ZZEF1: variants seen among roughly 807,000 people sequenced by gnomAD.
ZZEF1 encodes zinc finger ZZ-type and EF-hand domain containing 1, also known as zinc finger ZZ-type and EF-hand domain-containing protein 1.
A neutral mutation model predicts 342.8 loss-of-function variants in ZZEF1; 157 were observed. The observed-to-expected ratio is 0.46, with a 90% CI of 0.40 to 0.52. The LOEUF (loss-of-function observed/expected upper bound fraction) is 0.52. ZZEF1 is among the 20% of genes least tolerant of loss of function. The pLI, the probability that ZZEF1 is intolerant of heterozygous loss-of-function variation, is 0.00. For missense variants in ZZEF1, 3,480 were observed against 3,725.6 expected (o/e 0.93, Z 1.72); for synonymous variants, 1,505 against 1,429.1 (o/e 1.05, Z -1.20).
At chr17:4,114,566 C>G (rs2058364213) in intron 3 of ZZEF1, 96 bp from the exon 4 acceptor site, 1 of 1,053,444 alleles carries the variant, frequency 9.5e-7, no homozygotes, top group African/African-American at 1.6e-5. Flanking sequence ...GCTTGGTACT[C>G]TGGCCCTAGA....
Position 4,117,177 on chromosome 17 carries a change from G to C in ZZEF1, c.500-11C>G. The C allele has an allele frequency of 6.3e-7, 1 of 1,597,860 alleles. No homozygotes were observed. The highest frequency in any genetic ancestry group is 8.6e-7 in the Non-Finnish European group (1 of 1,168,562). On this transcript the variant is annotated splice_polypyrimidine_tract_variant and intron_variant, in intron 2 of 54. Transcript: ENST00000381638. The stretch of plus-strand genomic sequence containing the variant: ...ATATGTCTGTGAAACCTAAACAGAT[G>C]AAATCCATTTTTGGTGTTTTGGGGA...
chr17:4,070,883 A>G lies in ZZEF1; in HGVS notation c.3876T>C (p.Leu1292=). ...IPDDPCRHFL[L]DFAQSEPAQN... is the part of the protein sequence containing the mutation. ...GAGCAGGCTCTGACTGGGCAAAATC[A>G]AGAAGAAAATGGCGGCAGGGGTCGT... Residue 1292 remains leucine, a synonymous_variant, in exon 26 of 55, where the codon CTT becomes CTC. Coordinates refer to ENST00000381638, the MANE Select transcript of ZZEF1 (RefSeq NM_015113.4). The G allele has an allele frequency of 6.2e-7, 1 of 1,614,136 alleles. No individual in the cohort carries two copies. The highest frequency in any genetic ancestry group is 2.2e-5 in the East Asian group (1 of 44,878).
At chr17:4,083,588 T>G (rs1333218704) in intron 16 of ZZEF1, among the ~76,000 whole-genome samples, 1 of 151,970 alleles carries the variant, frequency 6.6e-6, no homozygotes, top group African/African-American at 2.4e-5. Flanking sequence ...CCAATTAGAC[T>G]GCTGCTGCTG....
chr17:4,009,363 C>T lies in ZZEF1; in HGVS notation c.8733+241G>A, dbSNP rs115810627. On this transcript the variant is annotated intron_variant, in intron 53 of 54. Coordinates refer to ENST00000381638, the MANE Select transcript of ZZEF1 (RefSeq NM_015113.4). ...ACTCACTGTTGTCAAGGGCTGATCC[C>T]GGGCAGTTTCTCCCCCATTGGCTCT... The T allele has an allele frequency of 7.7e-4, 461 of 599,026 alleles. 1 individual carries two copies. The highest frequency in any genetic ancestry group is 7.2e-3 in the African/African-American group (388 of 53,946). 37.1% of individuals were successfully genotyped at this position (599,026 alleles called of 1,614,324 possible). A position where few individuals can be genotyped will look rare whatever the true frequency, so the allele number is the denominator to read the frequency against.
Position 4,025,080 on chromosome 17 carries a change from C to G in ZZEF1, c.6931G>C (p.Glu2311Gln). Residue 2311 changes from glutamate to glutamine, a missense_variant, in exon 43 of 55, where the codon GAG becomes CAG. Transcript: ENST00000381638. Reference protein sequence around the residue: ...YQLVQKGGGQECGDSRAQLSQ... With the variant: ...YQLVQKGGGQQCGDSRAQLSQ... ...AGCTGGGCCCGAGAGTCACCACACT[C>G]TTGTCCTCCTCCCTTCTGGACCAGC... 6.2e-7 allele frequency: 1 copy of G among 1,614,214 alleles called. No individual in the cohort carries two copies. Among genetic ancestry groups the G allele is most frequent in the East Asian group, 2.2e-5 (1 of 44,888 alleles).
chr17:4,143,013 T>G lies in ZZEF1; in HGVS notation c.-118A>C, dbSNP rs962371059. On this transcript the variant is annotated 5_prime_UTR_variant, in exon 1 of 55. Coordinates refer to ENST00000381638, the MANE Select transcript of ZZEF1 (RefSeq NM_015113.4). ...ACGCGGAGGAGACGACGGCGGCCCC[T>G]GCGGCTTCCGGCTTCCTGGCCGTCA... 1.2e-4 allele frequency: 156 copies of G among 1,268,030 alleles called. 1 individual carries two copies. The highest frequency in any genetic ancestry group is 1.4e-4 in the Non-Finnish European group (137 of 1,011,544). 78.5% of individuals were successfully genotyped at this position (1,268,030 alleles called of 1,614,324 possible).
At chr17:4,098,570 C>T (rs2058077576) in intron 9 of ZZEF1, among the ~76,000 whole-genome samples, 2 of 152,166 alleles carry the variant, frequency 1.3e-5, no homozygotes, top group African/African-American at 2.4e-5. Context: ...CCCAAGGTTG[C>T]CTTTCTCTTT....
At chr17:4,094,581 T>C (rs191467947) in intron 11 of ZZEF1, among the ~76,000 whole-genome samples, 37 of 152,288 alleles carry the variant, frequency 2.4e-4, no homozygotes, top group Admixed American at 2.0e-3. Flanking sequence ...ACCTCAAAGG[T>C]TTCTCAGAAC....
Position 4,025,057 on chromosome 17 carries a change from C to T in ZZEF1, c.6954G>A (p.Gln2318=), listed in dbSNP as rs1187540279. 6.2e-7 allele frequency: 1 copy of T among 1,614,058 alleles called. No individual in the cohort carries two copies. The highest frequency in any genetic ancestry group is 2.2e-5 in the East Asian group (1 of 44,902). ...CAAAGTGCTGGGAGTACTGGCTCAG[C>T]TGGGCCCGAGAGTCACCACACTCTT... ...GGQECGDSRA[Q]LSQYSQHFAF... is the part of the protein sequence containing the mutation. The change falls in exon 43 of 55, where the codon CAG becomes CAA. Residue 2318 remains glutamine, a synonymous_variant. Transcript: ENST00000381638.
intron 1 of ZZEF1, among the ~76,000 whole-genome samples, chr17:4,135,958 C>A (rs997049544): frequency 9.4e-5 from 14 of 149,550 alleles, no homozygotes; most frequent in Non-Finnish European, 3.0e-5. Flanking sequence ...CAATGCAATA[C>A]TTTTTCTCAT....
chr17:4,112,218 T>C (rs1369904227), intron 5 of ZZEF1, among the ~76,000 whole-genome samples: 1 of 151,154 alleles, frequency 6.6e-6, no homozygotes, highest in Non-Finnish European at 1.5e-5. Flanking sequence ...TGATCTCAGC[T>C]CACTGCAGCC....
At chr17:4,138,566 T>C (rs2058791794) in intron 1 of ZZEF1, among the ~76,000 whole-genome samples, 1 of 152,216 alleles carries the variant, frequency 6.6e-6, no homozygotes, top group African/African-American at 2.4e-5. Flanking sequence ...CACCCAGGAC[T>C]GTGCTAAGAC....
Position 4,008,947 on chromosome 17 carries a change from C to A in ZZEF1, c.8741G>T (p.Gly2914Val). The change falls in exon 54 of 55, where the codon GGC becomes GTC. Residue 2914 changes from glycine to valine, a missense_variant. By Grantham distance (109) the Gly-to-Val change is moderately radical. Transcript: ENST00000381638. The surrounding 1 kb of genome is among the most constrained non-coding windows in gnomAD (Gnocchi z 4.2). ...FVTENRAQEL[G>V]VLQDYLLALT... The stretch of plus-strand genomic sequence containing the variant: ...GGCCAGCAGGTAATCCTGCAGCACG[C>A]CAAGCTCCTGCAGAGAGAGAGCAGG... 1.5e-5 allele frequency: 23 copies of A among 1,541,300 alleles called. No homozygotes were observed. Among genetic ancestry groups the A allele is most frequent in the Non-Finnish European group, 2.0e-5 (23 of 1,147,156 alleles).
chr17:4,037,552 C>T (rs1374039019), intron 39 of ZZEF1, among the ~76,000 whole-genome samples: 1 of 152,180 alleles, frequency 6.6e-6, no homozygotes, highest in African/African-American at 2.4e-5. Flanking sequence ...AAAGACATGA[C>T]AACAAACTGC....
In ZZEF1 at chr17:4,019,751, T is replaced by C. The variant is rs1236797502; in HGVS notation, c.7423A>G (p.Asn2475Asp). Reference sequence around the variant, plus strand: ...GCCCGGAGAATGTGCAGAGGGGCATTGAGGGCATCATGAGCCATCTGGAGG... The same window carrying C: ...GCCCGGAGAATGTGCAGAGGGGCATCGAGGGCATCATGAGCCATCTGGAGG... ...ICFLMAHDAL[N>D]APLHILRAIY... Residue 2475 changes from asparagine to aspartate, a missense_variant, in exon 46 of 55, where the codon AAT becomes GAT. By Grantham distance (23) the Asn-to-Asp change is conservative. Transcript: ENST00000381638. 3.7e-6 allele frequency: 6 copies of C among 1,610,622 alleles called. No individual in the cohort carries two copies. In the African/African-American group the frequency reaches 8.0e-5, roughly 22 times the overall value.
At chr17:4,130,469 A>G (rs1289519544) in intron 1 of ZZEF1, among the ~76,000 whole-genome samples, 3 of 152,076 alleles carry the variant, frequency 2.0e-5, no homozygotes, top group Admixed American at 2.0e-4. Context: ...AAAAATAAAT[A>G]AATAAAAATA....
chr17:4,013,560 G>A lies in ZZEF1; in HGVS notation c.8468C>T (p.Pro2823Leu), dbSNP rs749211375. The part of the protein sequence containing the change: ...LSEERVVPHL[P>L]LAKIWEWLVG... ...CAGCCATTCCCAAATTTTTGCCAAT[G>A]GGAGATGAGGCACGACCCTTTCTTC... Residue 2823 changes from proline to leucine, a missense_variant, in exon 52 of 55, where the codon CCA becomes CTA. Pro to Leu is a moderately conservative substitution (Grantham distance 98). Transcript: ENST00000381638. 3 of 1,614,102 alleles carry A rather than the reference G, an allele frequency of 1.9e-6. No individual in the cohort carries two copies. Among genetic ancestry groups the A allele is most frequent in the East Asian group, 2.2e-5 (1 of 44,884 alleles).
chr17:4,123,343 A>G (rs1189244905), intron 2 of ZZEF1, among the ~76,000 whole-genome samples: 1 of 139,588 alleles, frequency 7.2e-6, no homozygotes, highest in African/African-American at 2.6e-5. Flanking sequence ...AGGGTTGGGT[A>G]CTATCCTTGG....
At chr17:4,062,380 T>C (rs812996) in intron 30 of ZZEF1, among the ~76,000 whole-genome samples, 75,148 of 150,362 alleles carry the variant, frequency 0.5, 21,030 homozygotes, top group African/African-American at 0.78. Flanking sequence ...GCACACTAGA[T>C]GCTCAAAAGG....
Sources: allele counts gnomAD v4.1 joint callset (sites outside exome capture counted in the v4.1 genomes callset), GRCh38; gene constraint gnomAD v4.1.1; non-coding constraint Gnocchi (gnomAD v3.1); transcripts MANE v1.5; gene names NCBI Gene and HGNC (gene_info 2026-07-23, HGNC 2026-07-21).